Variants in CDH23 observed in about 807,000 individuals in gnomAD.
The protein encoded by CDH23 is cadherin-23.
A neutral mutation model predicts 317.1 loss-of-function variants in CDH23; 189 were observed. The ratio of observed to expected loss-of-function variants is 0.60; its 90% CI spans 0.53 to 0.67. The LOEUF (loss-of-function observed/expected upper bound fraction) is 0.67. CDH23 is among the 30% of genes least tolerant of loss of function. The probability of loss-of-function intolerance (pLI) is 0.00; values close to 1 mark genes in which losing one functional copy is unlikely to be tolerated. For synonymous variants in CDH23, 1,839 were observed against 1,876.8 expected (o/e 0.98, Z 0.52); for missense variants, 4,401 against 4,592.4 (o/e 0.96, Z 1.20).
At chr10:71,637,730 C>T (rs1403761621) in intron 11 of CDH23, among the ~76,000 whole-genome samples, 1 of 152,112 alleles carries the variant, frequency 6.6e-6, no homozygotes, top group East Asian at 1.9e-4. Context: ...ACTCCAGATT[C>T]CCAGCCCCGA....
At chr10:71,767,405 C>T (rs1360332929) in intron 38 of CDH23, among the ~76,000 whole-genome samples, 1 of 152,218 alleles carries the variant, frequency 6.6e-6, no homozygotes, top group Admixed American at 6.5e-5. Context: ...CTCTGACCAG[C>T]TGCTAGAGGT....
At chr10:71,566,159 C>G (rs576547816) in intron 6 of CDH23, among the ~76,000 whole-genome samples, 41 of 152,266 alleles carry the variant, frequency 2.7e-4, no homozygotes, top group Admixed American at 2.4e-3. Context: ...CCTCCTGTCC[C>G]CAGTGGACAG....
chr10:71,680,342 G>C (rs1426445038), intron 17 of CDH23, among the ~76,000 whole-genome samples: 1 of 152,210 alleles, frequency 6.6e-6, no homozygotes, highest in Admixed American at 6.5e-5. Flanking sequence ...TGGAGCCTGG[G>C]TTAGGTGCCC....
At chr10:71,636,924 T>C (rs1238634753) in intron 11 of CDH23, among the ~76,000 whole-genome samples, 1 of 151,696 alleles carries the variant, frequency 6.6e-6, no homozygotes, top group Non-Finnish European at 1.5e-5. Flanking sequence ...GGGGTTGAGG[T>C]GGAGTCAGAA....
chr10:71,719,499 C>T (rs1275810574), intron 28 of CDH23: 1 of 152,456 alleles, frequency 6.6e-6, no homozygotes, highest in African/African-American at 2.4e-5. Context: ...GCCTTGTTTC[C>T]CCTCTCTACA....
At chr10:71,647,376 T>C (rs953164339) in intron 14 of CDH23, among the ~76,000 whole-genome samples, 25 of 151,796 alleles carry the variant, frequency 1.6e-4, no homozygotes, top group Admixed American at 2.6e-4. Flanking sequence ...GGCAGGAGAA[T>C]CGCTTGAACC....
rs532715187 is a variant in CDH23 at position 71,735,598 on chromosome 10, G to T, written c.4209+940G>T. On this transcript the variant is annotated intron_variant, in intron 34 of 69. Transcript: ENST00000224721. ...GGCATCAGGCTCCTCATCAGCCTTG[G>T]TTACAGCCACATTGCCACGCCCTGC... is the stretch of plus-strand genomic sequence containing the variant. Among the ~76,000 whole-genome samples, 38 of 152,292 alleles carry T rather than the reference G, an allele frequency of 2.5e-4. 1 individual carries two copies. The South Asian group carries it at 7.9e-3, about 32-fold the overall frequency.
intron 14 of CDH23, among the ~76,000 whole-genome samples, chr10:71,658,127 T>C (rs1175324764): frequency 6.6e-6 from 1 of 152,222 alleles, no homozygotes; most frequent in African/African-American, 2.4e-5. Context: ...TGTCAGTGAT[T>C]GACGGGTCCG....
chr10:71,556,054 C>T (rs1431204663), intron 6 of CDH23, among the ~76,000 whole-genome samples: 1 of 152,154 alleles, frequency 6.6e-6, no homozygotes, highest in Non-Finnish European at 1.5e-5. Context: ...ACAGAGGCAC[C>T]ATGAGCACAG....
rs534871638 is a variant in CDH23, at chr10:71,789,061, C to G, written c.5923+19C>G. On this transcript the variant is annotated intron_variant, in intron 45 of 69. Transcript: ENST00000224721. ...CCCGCTGGTAGGTGCTGGGCCCACC[C>G]GGGAGCTCCTGCTGTTGCCAGGCAC... 8.0e-7 allele frequency: 1 copy of G among 1,244,366 alleles called. No homozygotes were observed. Among genetic ancestry groups the G allele is most frequent in the Middle Eastern group, 1.9e-4 (1 of 5,374 alleles). The allele number at this position is 1,244,366 out of a possible 1,614,324, so 77.1% of individuals were successfully genotyped here.
intron 38 of CDH23, among the ~76,000 whole-genome samples, chr10:71,773,745 C>T: frequency 6.6e-6 from 1 of 152,192 alleles, no homozygotes; most frequent in East Asian, 1.9e-4. Context: ...GTCCCCCAGT[C>T]CTTTTGGAGA....
At chr10:71,686,764 G>A (rs1864917943) in intron 18 of CDH23, among the ~76,000 whole-genome samples, 1 of 152,200 alleles carries the variant, frequency 6.6e-6, no homozygotes. Context: ...AGGGGAGAAG[G>A]TCATGAGCCA....
intron 15 of CDH23, among the ~76,000 whole-genome samples, chr10:71,675,903 C>CTTTTTTTT (rs66656163): frequency 1.7e-5 from 2 of 120,878 alleles, no homozygotes; most frequent in African/African-American, 3.1e-5. Flanking sequence ...AGCCCTCTAA[C>CTTTTTTTT]TTTTTTTTTT....
At chr10:71,775,905 G>A (rs1840806840) in intron 38 of CDH23, among the ~76,000 whole-genome samples, 1 of 152,136 alleles carries the variant, frequency 6.6e-6, no homozygotes, top group Non-Finnish European at 1.5e-5. Context: ...TACTGGTGAG[G>A]GGCCCAGCCT....
chr10:71,498,956 C>A (rs768134723), intron 3 of CDH23, among the ~76,000 whole-genome samples: 1 of 152,156 alleles, frequency 6.6e-6, no homozygotes, highest in Non-Finnish European at 1.5e-5. Context: ...TAGCTGCCTC[C>A]CATGCTTATT....
chr10:71,539,316 G>A (rs1855868597), intron 6 of CDH23, among the ~76,000 whole-genome samples: 1 of 152,132 alleles, frequency 6.6e-6, no homozygotes, highest in South Asian at 2.1e-4. Context: ...CCTGGACCCA[G>A]CCCACCTATA....
At chr10:71,640,185 C>A (rs1862470282) in intron 11 of CDH23, among the ~76,000 whole-genome samples, 1 of 152,214 alleles carries the variant, frequency 6.6e-6, no homozygotes, top group African/African-American at 2.4e-5. Context: ...TGAGCTCACA[C>A]CATCTTCCAG....
intron 34 of CDH23, chr10:71,737,870 C>A (rs1475928897): frequency 2.2e-6 from 1 of 452,028 alleles, no homozygotes; most frequent in African/African-American, 2.0e-5. Context: ...TTGTTGCATG[C>A]CCGGTTTTTA....
At chr10:71,409,741 AC>A (rs922996454) in intron 1 of CDH23, among the ~76,000 whole-genome samples, 1 of 152,054 alleles carries the variant, frequency 6.6e-6, no homozygotes, top group African/African-American at 2.4e-5. Context: ...CTCTCCCCAG[AC>A]CCATGCTGCA....
Sources: gnomAD v4.1 joint callset for allele counts (sites outside exome capture counted in the v4.1 genomes callset) on GRCh38, gnomAD v4.1.1 for gene constraint, MANE v1.5 for transcripts, NCBI Gene and HGNC (gene_info 2026-07-23, HGNC 2026-07-21) for gene names.